Variants in GOLGA4 observed in about 807,000 individuals in gnomAD.
GOLGA4 encodes golgin A4, also known as golgin subfamily A member 4.
GOLGA4 carries 169 observed loss-of-function variants against 265.9 expected under a neutral mutation model. The ratio of observed to expected loss-of-function variants is 0.64; its 90% confidence interval spans 0.56 to 0.72. The LOEUF is 0.72. GOLGA4 is among the 30% of genes least tolerant of loss of function. The pLI is 0.00. For synonymous variants in GOLGA4, 923 were observed against 855.8 expected (o/e 1.08, Z -1.37); for missense variants, 2,482 against 2,483.4 (o/e 1.00, Z 0.01).
chr3:37,352,095 G>C (rs1233873597), intron 21 of GOLGA4, among the ~76,000 whole-genome samples: 2 of 152,028 alleles, frequency 1.3e-5, no homozygotes, highest in Non-Finnish European at 2.9e-5. Context: ...TTCTTAGCTA[G>C]ATCTTCTGGG....
chr3:37,266,689 A>ATGGTGG (rs770583062), intron 2 of GOLGA4, among the ~76,000 whole-genome samples: 2 of 152,030 alleles, frequency 1.3e-5, no homozygotes, highest in East Asian at 1.9e-4. Context: ...TGTGGGTGAG[A>ATGGTGG]TGGTGGTGGT....
At chr3:37,355,337 A>G (rs1403655878) in intron 22 of GOLGA4, 150 bp downstream of exon 22, 3 of 576,442 alleles carry the variant, frequency 5.2e-6, no homozygotes, top group East Asian at 3.0e-5. Flanking sequence ...GTGAATTTAC[A>G]CTAAGAAATT....
chr3:37,284,403 G>A (rs916868024), intron 3 of GOLGA4, among the ~76,000 whole-genome samples: 3 of 151,938 alleles, frequency 2.0e-5, no homozygotes, highest in Non-Finnish European at 4.4e-5. Flanking sequence ...ACAGGCATGC[G>A]CCACCATGCT....
rs750136260 is a variant in GOLGA4 at position 37,326,083 on chromosome 3, A to G, written c.4197A>G (p.Leu1399=). The stretch of plus-strand genomic sequence containing the variant: ...AAAAAGAAGCAGCCATTTCATCACT[A>G]AGAAAGCAGTATGATGAAGAAAAAT... ...LSEKEAAISS[L]RKQYDEEKCE... The change falls in exon 14 of 24, where the codon CTA becomes CTG. Residue 1399 remains leucine, a synonymous_variant. Coordinates refer to ENST00000361924, the MANE Select transcript of GOLGA4 (RefSeq NM_002078.5). 3.1e-6 allele frequency: 5 copies of G among 1,612,822 alleles called. No individual in the cohort carries two copies. The African/African-American group carries it at 5.3e-5, about 17-fold the overall frequency.
At chr3:37,265,262 G>A (rs1482665254) in intron 2 of GOLGA4, among the ~76,000 whole-genome samples, 1 of 152,090 alleles carries the variant, frequency 6.6e-6, no homozygotes, top group African/African-American at 2.4e-5. Flanking sequence ...ATTTTGGTGT[G>A]TAGTATACAG....
At chr3:37,295,184 T>A in intron 6 of GOLGA4, 107 bp downstream of exon 6, 3 of 581,042 alleles carry the variant, frequency 5.2e-6, no homozygotes, top group Non-Finnish European at 8.9e-6. Context: ...TTTTAAGACC[T>A]ATTTTTAAAA....
In GOLGA4 at chr3:37,325,609, T is replaced by C. The variant is rs1203079231; in HGVS notation, c.3723T>C (p.Ser1241=). Residue 1241 remains serine (S), a synonymous_variant, in exon 14 of 24, where the codon AGT becomes AGC. Transcript: ENST00000361924. ...ATGAGCTAATCAACATTAGTAGTAG[T>C]AAAACTAATGCCATTCTTTCTAGGA... ...KTNELINISS[S]KTNAILSRIS... 6.2e-7 allele frequency: 1 copy of C among 1,613,546 alleles called. No homozygotes were observed. The highest frequency in any genetic ancestry group is 2.2e-5 in the East Asian group (1 of 44,856).
At chr3:37,354,571 A>T (rs1228489561) in intron 21 of GOLGA4, among the ~76,000 whole-genome samples, 1 of 152,102 alleles carries the variant, frequency 6.6e-6, no homozygotes, top group African/African-American at 2.4e-5. Context: ...CAAATAAAAC[A>T]TCTTGTGTTT....
intron 23 of GOLGA4, among the ~76,000 whole-genome samples, chr3:37,363,354 C>T (rs1350346618): frequency 6.6e-6 from 1 of 152,128 alleles, no homozygotes; most frequent in Non-Finnish European, 1.5e-5. Context: ...ATTATTGCAG[C>T]TGAATATCAA....
chr3:37,349,061 C>T (rs1237302086), intron 21 of GOLGA4, among the ~76,000 whole-genome samples: 4 of 152,090 alleles, frequency 2.6e-5, no homozygotes, highest in South Asian at 2.1e-4. Context: ...TTATCTTCAG[C>T]GTCGATTCTC....
intron 2 of GOLGA4, among the ~76,000 whole-genome samples, chr3:37,256,500 A>G (rs1338339110): frequency 3.3e-5 from 5 of 152,048 alleles, no homozygotes; most frequent in Non-Finnish European, 7.4e-5. Flanking sequence ...AAAAAAATCT[A>G]TATTATTATA....
At position 37,282,014 on chromosome 3, in the gene GOLGA4, G is replaced by A; in HGVS notation, c.219G>A (p.Glu73=). ...QKLQLRVPSV[E]SLFRSPIKES... ...TCCAGCTCCGGGTGCCCTCCGTGGA[G>A]TCTTTGTTTCGAAGTCCGATAAAGG... is the stretch of plus-strand genomic sequence containing the variant. Residue 73 remains glutamate, a synonymous_variant, in exon 3 of 24, where the codon GAG becomes GAA. Transcript: ENST00000361924. The A allele has an allele frequency of 6.2e-7, 1 of 1,614,120 alleles. No individual in the cohort carries two copies. Among genetic ancestry groups the A allele is most frequent in the Non-Finnish European group, 8.5e-7 (1 of 1,179,994 alleles).
rs1696759888 is a variant in GOLGA4 at position 37,366,524 on chromosome 3, T to TAAAATATTGAATATTTG, written c.*478_*479insAAAATATTGAATATTTG. ...TAATTGACTATTTTATTCAGGTTGATCTGTTGAATATTTGCTAAAGACCAG... is the reference window on the plus strand; with the variant it reads ...TAATTGACTATTTTATTCAGGTTGATAAAATATTGAATATTTGCTGTTGAATATTTGCTAAAGACCAG... On this transcript the variant is annotated 3_prime_UTR_variant, in exon 24 of 24. Transcript: ENST00000361924. 6.3e-6 allele frequency: 1 copy of TAAAATATTGAATATTTG among 159,048 alleles called. No individual in the cohort carries two copies. Among genetic ancestry groups the TAAAATATTGAATATTTG allele is most frequent in the Non-Finnish European group, 1.4e-5 (1 of 72,562 alleles). 9.9% of individuals were successfully genotyped at this position (159,048 alleles called of 1,614,324 possible).
intron 2 of GOLGA4, among the ~76,000 whole-genome samples, chr3:37,252,011 G>C (rs1237352583): frequency 2.0e-5 from 3 of 152,158 alleles, no homozygotes; most frequent in Non-Finnish European, 4.4e-5. Context: ...GAAGTTTTCA[G>C]AATAATTTGA....
chr3:37,261,126 G>T (rs902407473), intron 2 of GOLGA4, among the ~76,000 whole-genome samples: 1 of 151,350 alleles, frequency 6.6e-6, no homozygotes, highest in African/African-American at 2.4e-5. Flanking sequence ...AGCCATGACT[G>T]CGCCACCGCA....
intron 2 of GOLGA4, among the ~76,000 whole-genome samples, chr3:37,271,012 C>G (rs976195420): frequency 1.2e-4 from 18 of 152,006 alleles, no homozygotes; most frequent in African/African-American, 4.1e-4. Flanking sequence ...TAAGACCACG[C>G]AACCTAGATC....
chr3:37,283,652 A>G (rs1578491412), intron 3 of GOLGA4, among the ~76,000 whole-genome samples: 1 of 152,040 alleles, frequency 6.6e-6, no homozygotes, highest in East Asian at 1.9e-4. Flanking sequence ...AGCTCCCTCA[A>G]GTAGCTGGGA....
chr3:37,288,351 C>G (rs571059352), intron 4 of GOLGA4, among the ~76,000 whole-genome samples: 1 of 151,796 alleles, frequency 6.6e-6, no homozygotes, highest in Non-Finnish European at 1.5e-5. Flanking sequence ...CCTGGTGATC[C>G]GCCTGCCTCG....
intron 21 of GOLGA4, among the ~76,000 whole-genome samples, chr3:37,354,247 C>T (rs1327296705): frequency 6.6e-6 from 1 of 152,036 alleles, no homozygotes; most frequent in East Asian, 1.9e-4. Flanking sequence ...TAACTATGAT[C>T]AAGGAATGTT....
Sources: gnomAD v4.1 joint callset for allele counts (sites outside exome capture counted in the v4.1 genomes callset) on GRCh38, gnomAD v4.1.1 for gene constraint, MANE v1.5 for transcripts, NCBI Gene and HGNC (gene_info 2026-07-23, HGNC 2026-07-21) for gene names.